Variants in NLRP5 observed in about 807,000 individuals in gnomAD.
The protein encoded by NLRP5 is NACHT, LRR and PYD domains-containing protein 5.
NLRP5 carries 93 observed loss-of-function variants against 113.1 expected under a neutral mutation model. The observed-to-expected ratio is 0.82, with a 90% CI of 0.70 to 0.98. NLRP5 has a LOEUF of 0.98. Among genes scored for constraint, NLRP5 ranks in the 50% least tolerant of loss-of-function variants. The probability of loss-of-function intolerance (pLI) is 0.00; values close to 1 mark genes in which losing one functional copy is unlikely to be tolerated. For missense variants in NLRP5, 1,808 were observed against 1,514.3 expected (o/e 1.19, Z -3.22); for synonymous variants, 751 against 600.7 (o/e 1.25, Z -3.66).
chr19:56,038,045 C>T lies in NLRP5; in HGVS notation c.2636C>T (p.Thr879Ile), dbSNP rs1223197610. The T allele has an allele frequency of 1.2e-6, 2 of 1,613,852 alleles. No individual in the cohort carries two copies. Among genetic ancestry groups the T allele is most frequent in the African/African-American group, 1.3e-5 (1 of 74,924 alleles). The change falls in exon 10 of 15, where the codon ACC becomes ATC. Residue 879 changes from threonine (T) to isoleucine (I), a missense_variant. By Grantham distance (89) the Thr-to-Ile change is moderately conservative. Coordinates refer to ENST00000390649, the MANE Select transcript of NLRP5 (RefSeq NM_153447.4). ...TGCAGGCTGGATTGCTGTGGATTGA[C>T]CCATGCCTGTTACCTGAAGATCTCC...
rs931553343 is a variant in NLRP5 at position 56,026,921 on chromosome 19, G to A, written c.688G>A (p.Gly230Ser). ...ACCCTCTCTGACTCCAGGACATGGA[G>A]GTGACACATGGGACTACAAGAGTCA... Residue 230 changes from glycine to serine, a missense_variant, in exon 7 of 15, where the codon GGT becomes AGT. By Grantham distance (56) the Gly-to-Ser change is moderately conservative. Coordinates refer to ENST00000390649, the MANE Select transcript of NLRP5 (RefSeq NM_153447.4). 1 of 1,550,788 alleles carries A rather than the reference G, an allele frequency of 6.4e-7. No individual in the cohort carries two copies. Among genetic ancestry groups the A allele is most frequent in the Admixed American group, 2.0e-5 (1 of 50,966 alleles).
intron 1 of NLRP5, among the ~76,000 whole-genome samples, chr19:56,002,050 A>G (rs980898734): frequency 1.1e-4 from 16 of 152,230 alleles, no homozygotes; most frequent in African/African-American, 3.4e-4. Flanking sequence ...CAATGTCATC[A>G]TAGACCAGGC....
At chr19:56,049,600 C>T (rs776752791) in intron 11 of NLRP5, among the ~76,000 whole-genome samples, 9 of 152,214 alleles carry the variant, frequency 5.9e-5, no homozygotes, top group East Asian at 3.9e-4. Flanking sequence ...TGTGAGCCAC[C>T]GTGCCCAGCC....
intron 14 of NLRP5, among the ~76,000 whole-genome samples, chr19:56,061,141 C>G (rs914038694): frequency 1.3e-5 from 2 of 152,214 alleles, no homozygotes; most frequent in African/African-American, 4.8e-5. Flanking sequence ...GTCTGCCATA[C>G]TTTTTCTAAC....
At chr19:56,009,617 G>A (rs1231321756) in intron 3 of NLRP5, among the ~76,000 whole-genome samples, 1 of 152,128 alleles carries the variant, frequency 6.6e-6, no homozygotes, top group Non-Finnish European at 1.5e-5. Flanking sequence ...TTCACACATT[G>A]TGGGACAGGA....
chr19:56,037,311 G>C (rs1038639835), intron 9 of NLRP5, among the ~76,000 whole-genome samples: 1 of 152,134 alleles, frequency 6.6e-6, no homozygotes, highest in Non-Finnish European at 1.5e-5. Context: ...GGGGACCATA[G>C]AGAACAAAGC....
rs892863911 is a variant in NLRP5 at position 56,013,280 on chromosome 19, C to T, written c.509-2462C>T. ...CGATCTCGGCTCACTGCAACCTCCG[C>T]CTCCCTGGTTCACGCTATTTTCCTG... On this transcript the variant is annotated intron_variant, in intron 3 of 14. Transcript: ENST00000390649. Among the ~76,000 whole-genome samples the T allele has an allele frequency of 2.0e-5, 3 of 152,060 alleles. No individual in the cohort carries two copies. The East Asian group carries it at 5.8e-4, about 29-fold the overall frequency.
chr19:56,019,510 C>T, intron 5 of NLRP5, 112 bp downstream of exon 5: 1 of 1,241,662 alleles, frequency 8.1e-7, no homozygotes, highest in Non-Finnish European at 1.1e-6. Context: ...TTTCTTCATT[C>T]TCATTTGTCT....
upstream of NLRP5, among the ~76,000 whole-genome samples, chr19:55,998,294 C>T (rs1221533624): frequency 6.6e-6 from 1 of 152,020 alleles, no homozygotes; most frequent in Admixed American, 6.6e-5. Context: ...GAGTTCAAGG[C>T]TATATGGTGA....
At chr19:56,045,012 C>A (rs189491835) in intron 11 of NLRP5, among the ~76,000 whole-genome samples, 13 of 152,108 alleles carry the variant, frequency 8.5e-5, no homozygotes, top group African/African-American at 3.1e-4. Context: ...TTTGATTCTC[C>A]GCTTGGTTGC....
intron 6 of NLRP5, among the ~76,000 whole-genome samples, chr19:56,023,350 C>T (rs1239952794): frequency 1.3e-5 from 2 of 152,146 alleles, no homozygotes; most frequent in Non-Finnish European, 2.9e-5. Context: ...TTAAGGTGTG[C>T]TTCCCGTGGT....
intron 7 of NLRP5, 121 bp downstream of exon 7, chr19:56,028,630 C>T: frequency 1.0e-6 from 1 of 961,904 alleles, no homozygotes; most frequent in Non-Finnish European, 1.6e-6. Context: ...GATGAATGGC[C>T]CAGATGACGT....
chr19:56,021,021 GCCAC>G (rs1982594140), intron 6 of NLRP5, among the ~76,000 whole-genome samples: 1 of 151,756 alleles, frequency 6.6e-6, no homozygotes, highest in African/African-American at 2.4e-5. Context: ...TTACAGGCCT[GCCAC>G]CATGCCCGAC....
rs749462086 is a variant in NLRP5, at chr19:56,027,533, G to C, written c.1300G>C (p.Gly434Arg). Residue 434 changes from glycine to arginine, a missense_variant, in exon 7 of 15, where the codon GGG becomes CGG. By Grantham distance (125) the Gly-to-Arg change is moderately radical. Coordinates refer to ENST00000390649, the MANE Select transcript of NLRP5 (RefSeq NM_153447.4). ...TTACCTGTTAGTTAGAGGAATCTCC[G>C]GGGAACAAAGAATCCACTTGCTCCT... 3 of 1,613,954 alleles carry C rather than the reference G, an allele frequency of 1.9e-6. No individual in the cohort carries two copies. The highest frequency in any genetic ancestry group is 2.5e-6 in the Non-Finnish European group (3 of 1,179,876).
At chr19:55,994,628 C>CCTCAT in the NLRP5 span, among the ~76,000 whole-genome samples, 2 of 152,192 alleles carry the variant, frequency 1.3e-5, no homozygotes, top group African/African-American at 2.4e-5. Flanking sequence ...GATCTCCTGA[C>CCTCAT]CTCATGATCC....
At position 56,027,199 on chromosome 19, in the gene NLRP5, A is replaced by G; in HGVS notation, c.966A>G (p.Arg322=). ...CCTACGTCTTCTTCCTCCCCGTTAG[A>G]GAGATGCAGCGGAAGAAGGAGAGCA... Residue 322 remains arginine, a synonymous_variant, in exon 7 of 15, where the codon AGA becomes AGG. Coordinates refer to ENST00000390649, the MANE Select transcript of NLRP5 (RefSeq NM_153447.4). 1.9e-6 allele frequency: 3 copies of G among 1,611,250 alleles called. No individual in the cohort carries two copies.
At chr19:56,004,796 A>G (rs988502128) in intron 2 of NLRP5, among the ~76,000 whole-genome samples, 1 of 152,104 alleles carries the variant, frequency 6.6e-6, no homozygotes, top group Non-Finnish European at 1.5e-5. Flanking sequence ...AATTGGCCCT[A>G]CAAATACAGG....
the NLRP5 span, among the ~76,000 whole-genome samples, chr19:55,992,651 C>G: frequency 6.6e-6 from 1 of 152,142 alleles, no homozygotes; most frequent in African/African-American, 2.4e-5. Context: ...CAGCTTTTCT[C>G]CTTTGTTGAC....
the NLRP5 span, among the ~76,000 whole-genome samples, chr19:55,990,079 C>CTTTTTTTTTTTTTTTTT: frequency 5.2e-5 from 5 of 95,958 alleles, no homozygotes; most frequent in Admixed American, 1.3e-4. Flanking sequence ...TTTCTTTTTT[C>CTTTTTTTTTTTTTTTTT]TTTTTTTTTT....
Sources: gnomAD v4.1 joint callset for allele counts (sites outside exome capture counted in the v4.1 genomes callset) on GRCh38, gnomAD v4.1.1 for gene constraint, MANE v1.5 for transcripts, NCBI Gene and HGNC (gene_info 2026-07-23, HGNC 2026-07-21) for gene names.